The following DPP6 variants were observed in gnomAD, a reference collection of about 807,000 sequenced individuals.
The protein encoded by DPP6 is A-type potassium channel modulatory protein DPP6.
DPP6 carries 69 observed loss-of-function variants against 122.6 expected under a neutral mutation model. The ratio of observed to expected loss-of-function variants is 0.56; its 90% confidence interval spans 0.46 to 0.69. The LOEUF (loss-of-function observed/expected upper bound fraction) is 0.69. Ranked by LOEUF, DPP6 falls within the 30% of genes least tolerant of loss-of-function variation. The pLI, the probability that DPP6 is intolerant of heterozygous loss-of-function variation, is 0.00. For missense variants in DPP6, 928 were observed against 1,116.9 expected, an observed-to-expected ratio of 0.83 and a Z score of 2.41; for synonymous variants, 418 against 433.1, an observed-to-expected ratio of 0.97 and a Z score of 0.43.
At chr7:154,579,701 CAGAG>C (rs1007662398) in intron 5 of DPP6, among the ~76,000 whole-genome samples, 6 of 152,136 alleles carry the variant, frequency 3.9e-5, no homozygotes, top group Non-Finnish European at 7.3e-5. Context: ...GCAGGAGTGA[CAGAG>C]AGGAACAGAG....
chr7:153,925,387 C>G (rs2215194), intron 1 of DPP6, among the ~76,000 whole-genome samples: 1 of 149,382 alleles, frequency 6.7e-6, no homozygotes, highest in Non-Finnish European at 1.5e-5. Flanking sequence ...GGAGATCATC[C>G]CGCATCGTGG....
At chr7:154,181,884 G>A (rs745746649) in intron 1 of DPP6, among the ~76,000 whole-genome samples, 22 of 151,862 alleles carry the variant, frequency 1.4e-4, no homozygotes, top group Non-Finnish European at 2.5e-4. Flanking sequence ...GAGTAGCTGG[G>A]ATTACAAGCA....
At position 154,446,293 on chromosome 7, in the gene DPP6, C is replaced by T. The variant is rs1819865448; in HGVS notation, c.323C>T (p.Ser108Phe). Reference protein sequence around the residue: ...IALLVILVICSLIVTSVILLT... With the variant: ...IALLVILVICFLIVTSVILLT... ...CTGCTTGTCATTCTGGTCATCTGCT[C>T]CTTGATCGTCACCTCGGTCATACTT... Residue 108 changes from serine (S) to phenylalanine (F), a missense_variant, in exon 2 of 26, where the codon TCC becomes TTC. Physicochemically the swap from Ser to Phe is radical, Grantham distance 155. Coordinates refer to ENST00000377770, the MANE Select transcript of DPP6 (RefSeq NM_130797.4). The T allele has an allele frequency of 6.2e-7, 1 of 1,612,008 alleles. No individual in the cohort carries two copies. Among genetic ancestry groups the T allele is most frequent in the African/African-American group, 1.3e-5 (1 of 74,836 alleles).
rs143230049 is a variant in DPP6 at position 154,483,269 on chromosome 7, G to A, written c.457+8232G>A. Among the ~76,000 whole-genome samples the A allele has an allele frequency of 3.9e-4, 59 of 152,276 alleles. No individual in the cohort carries two copies. The highest frequency in any genetic ancestry group is 3.3e-3 in the Admixed American group (51 of 15,302). On this transcript the variant is annotated intron_variant, in intron 3 of 25. Coordinates refer to ENST00000377770, the MANE Select transcript of DPP6 (RefSeq NM_130797.4). This position sits in a 1 kb window ranked among gnomAD's most constrained non-coding sequence, Gnocchi z 8.1. ...TGAAAAACCACCCCACGGTGGCCAC[G>A]CACCTCTTCCTGGCTCACAGCCCCA...
At chr7:153,965,351 C>G (rs1215818892) in intron 1 of DPP6, among the ~76,000 whole-genome samples, 1 of 152,012 alleles carries the variant, frequency 6.6e-6, no homozygotes, top group South Asian at 2.1e-4. Context: ...CCAGCCTCCC[C>G]TCATTAACCA....
At position 154,735,881 on chromosome 7, in the gene DPP6, G is replaced by A. The variant is rs2131392584; in HGVS notation, c.883+7994G>A. Among the ~76,000 whole-genome samples the A allele has an allele frequency of 2.0e-5, 3 of 152,340 alleles. No homozygotes were observed. The Middle Eastern group carries it at 0.01, about 518-fold the overall frequency. On this transcript the variant is annotated intron_variant, in intron 8 of 25. Coordinates refer to ENST00000377770, the MANE Select transcript of DPP6 (RefSeq NM_130797.4). ...TGATTGCCACAGGTAAGCCAGGCTGGCTGCCAAGGCCCTCTTAGCCCCCTG... is the reference window on the plus strand; with the variant it reads ...TGATTGCCACAGGTAAGCCAGGCTGACTGCCAAGGCCCTCTTAGCCCCCTG...
intron 1 of DPP6, among the ~76,000 whole-genome samples, chr7:153,910,777 G>T (rs775673619): frequency 4.2e-4 from 64 of 152,134 alleles, no homozygotes; most frequent in Non-Finnish European, 1.5e-4. Context: ...GAAGCTTGCA[G>T]CGACCTTTGG....
chr7:154,688,221 A>C (rs1044779985), intron 7 of DPP6, among the ~76,000 whole-genome samples: 12 of 152,194 alleles, frequency 7.9e-5, no homozygotes, highest in Admixed American at 7.8e-4. Context: ...TCCTCTAAAA[A>C]CACTATTGGG....
Position 154,294,009 on chromosome 7 carries a change from T to G in DPP6, c.244-152205T>G, listed in dbSNP as rs149864429. Among the ~76,000 whole-genome samples the G allele has an allele frequency of 1.4e-3, 207 of 152,314 alleles. 1 individual carries two copies. Among genetic ancestry groups the G allele is most frequent in the African/African-American group, 4.7e-3 (197 of 41,576 alleles). ...TATGGAGTCCCTACTAGATGTCCAT[T>G]GCTTTACATAGTTTCTATCTCATTA... On this transcript the variant is annotated intron_variant, in intron 1 of 25. Coordinates refer to ENST00000377770, the MANE Select transcript of DPP6 (RefSeq NM_130797.4).
At chr7:154,521,453 A>T (rs1826975112) in intron 3 of DPP6, among the ~76,000 whole-genome samples, 1 of 151,874 alleles carries the variant, frequency 6.6e-6, no homozygotes, top group Non-Finnish European at 1.5e-5. Flanking sequence ...GTGGGGTTTC[A>T]GTGTATCAAG....
intron 20 of DPP6, chr7:154,876,530 C>T (rs2150657211): frequency 6.4e-6 from 1 of 157,054 alleles, no homozygotes; most frequent in South Asian, 2.0e-4. Context: ...ACCCTCGTTA[C>T]TGAGAGCAGG....
chr7:154,169,385 C>G (rs1475574311), intron 1 of DPP6, among the ~76,000 whole-genome samples: 1 of 152,152 alleles, frequency 6.6e-6, no homozygotes, highest in Non-Finnish European at 1.5e-5. Flanking sequence ...ATGAATCAGG[C>G]AAGCAGTTGG....
At chr7:153,835,787 AAG>A in the DPP6 span, among the ~76,000 whole-genome samples, 1 of 152,172 alleles carries the variant, frequency 6.6e-6, no homozygotes, top group African/African-American at 2.4e-5. Context: ...CCAAAAGGGA[AAG>A]GGGGTGTTAC....
rs1377185621 is a variant in DPP6, at chr7:154,806,850, G to C, written c.1548-144G>C. The C allele has an allele frequency of 1.1e-5, 12 of 1,072,570 alleles. No individual in the cohort carries two copies. The Admixed American group carries it at 1.2e-4, about 11-fold the overall frequency. 66.4% of individuals were successfully genotyped at this position (1,072,570 alleles called of 1,614,324 possible). On this transcript the variant is annotated intron_variant, in intron 15 of 25. Coordinates refer to ENST00000377770, the MANE Select transcript of DPP6 (RefSeq NM_130797.4). ...CTGGGTGGTCTCAGGGGCTCCAGCA[G>C]GGAGACAGAGGGAGAGGCCCGGGGG... is the stretch of plus-strand genomic sequence containing the variant.
At chr7:154,356,492 C>G (rs1811276336) in intron 1 of DPP6, among the ~76,000 whole-genome samples, 1 of 151,976 alleles carries the variant, frequency 6.6e-6, no homozygotes, top group African/African-American at 2.4e-5. Flanking sequence ...GGCTTGAGGC[C>G]AGGAGTTTGA....
Position 154,704,650 on chromosome 7 carries a change from G to A in DPP6, c.763-23117G>A, listed in dbSNP as rs540194969. ...CAACACCACCTGCCAGCAAAAAGAC[G>A]ATGACTCACCGAAGGCTTAGATGAT... On this transcript the variant is annotated intron_variant, in intron 7 of 25. Coordinates refer to ENST00000377770, the MANE Select transcript of DPP6 (RefSeq NM_130797.4). Among the ~76,000 whole-genome samples the A allele has an allele frequency of 3.9e-5, 6 of 152,286 alleles. No homozygotes were observed. The South Asian group carries it at 6.2e-4, about 16-fold the overall frequency.
chr7:153,832,411 A>T, the DPP6 span, among the ~76,000 whole-genome samples: 2 of 152,228 alleles, frequency 1.3e-5, no homozygotes, highest in African/African-American at 4.8e-5. Context: ...CACTGATTTC[A>T]GTTGAATGCT....
chr7:153,776,784 G>C, the DPP6 span, among the ~76,000 whole-genome samples: 1 of 152,086 alleles, frequency 6.6e-6, no homozygotes, highest in Non-Finnish European at 1.5e-5. Flanking sequence ...AAAAATTATA[G>C]ACTCACATGT....
intron 1 of DPP6, among the ~76,000 whole-genome samples, chr7:154,427,584 T>C (rs1818018214): frequency 1.3e-5 from 2 of 152,220 alleles, no homozygotes; most frequent in South Asian, 2.1e-4. Flanking sequence ...TTGCACTTGG[T>C]ATTTAGACAT....
Sources: allele counts gnomAD v4.1 joint callset (sites outside exome capture counted in the v4.1 genomes callset), GRCh38; gene constraint gnomAD v4.1.1; non-coding constraint Gnocchi (gnomAD v3.1); transcripts MANE v1.5; gene names NCBI Gene and HGNC (gene_info 2026-07-23, HGNC 2026-07-21).